Variants in CORIN observed in about 807,000 individuals in gnomAD.
CORIN encodes the protein atrial natriuretic peptide-converting enzyme.
CORIN carries 117 observed loss-of-function variants against 125.3 expected under a neutral mutation model. The ratio of observed to expected loss-of-function variants is 0.93; its 90% CI spans 0.80 to 1.09. The LOEUF is 1.09. CORIN is among the 50% of genes least tolerant of loss of function. The pLI is 0.00. For missense variants in CORIN, 1,253 were observed against 1,306.7 expected, an observed-to-expected ratio of 0.96 and a Z score of 0.63; for synonymous variants, 450 against 466.4, an observed-to-expected ratio of 0.96 and a Z score of 0.45.
At position 47,661,702 on chromosome 4, in the gene CORIN, A is replaced by C. The variant is rs1724254735; in HGVS notation, c.1735+9T>G. The C allele has an allele frequency of 1.9e-6, 3 of 1,602,406 alleles. No homozygotes were observed. Among genetic ancestry groups the C allele is most frequent in the Non-Finnish European group, 2.6e-6 (3 of 1,171,874 alleles). ...TAGATACCCTGCTGTAATTAATTTT[A>C]AAATTAACCTTCCACATATTCATCA... On this transcript the variant is annotated intron_variant, in intron 12 of 21. Transcript: ENST00000273857.
intron 2 of CORIN, among the ~76,000 whole-genome samples, chr4:47,804,739 G>A (rs1361657760): frequency 1.4e-5 from 2 of 138,244 alleles, no homozygotes; most frequent in Non-Finnish European, 3.1e-5. Context: ...GGTGGGGAGG[G>A]GGGGGGTTGT....
chr4:47,610,485 CT>C (rs920890347), intron 19 of CORIN, among the ~76,000 whole-genome samples: 2 of 151,698 alleles, frequency 1.3e-5, no homozygotes, highest in African/African-American at 4.8e-5. Flanking sequence ...TCCTTATAGA[CT>C]CTAGATACTA....
At chr4:47,623,096 C>CTCTCTCTATATA (rs771867590) in intron 19 of CORIN, among the ~76,000 whole-genome samples, 1,141 of 102,118 alleles carry the variant, frequency 0.011, 9 homozygotes, top group Middle Eastern at 0.032. Context: ...CTCTCTCTCT[C>CTCTCTCTATATA]TATATATATA....
At chr4:47,640,632 G>A (rs1723198199) in intron 16 of CORIN, among the ~76,000 whole-genome samples, 1 of 152,152 alleles carries the variant, frequency 6.6e-6, no homozygotes, top group Non-Finnish European at 1.5e-5. Flanking sequence ...TGGTTAAATG[G>A]TGAATTTTAT....
At chr4:47,736,874 T>C (rs563530399) in intron 5 of CORIN, among the ~76,000 whole-genome samples, 1 of 152,322 alleles carries the variant, frequency 6.6e-6, no homozygotes, top group African/African-American at 2.4e-5. Flanking sequence ...TAGAGTTTGG[T>C]GTTGCTGAAG....
intron 1 of CORIN, among the ~76,000 whole-genome samples, chr4:47,834,297 T>A (rs977149111): frequency 8.5e-5 from 13 of 152,118 alleles, no homozygotes; most frequent in African/African-American, 3.1e-4. Flanking sequence ...ATCCTACCAT[T>A]TCTGACAGCA....
At chr4:47,670,580 C>A (rs1216688190) in intron 10 of CORIN, among the ~76,000 whole-genome samples, 2 of 152,136 alleles carry the variant, frequency 1.3e-5, no homozygotes, top group Admixed American at 6.5e-5. Flanking sequence ...CACGAGTAAG[C>A]GTAAAACTAA....
intron 16 of CORIN, among the ~76,000 whole-genome samples, chr4:47,629,739 A>G (rs1722731944): frequency 6.6e-6 from 1 of 152,188 alleles, no homozygotes; most frequent in African/African-American, 2.4e-5. Flanking sequence ...GACTTATCTT[A>G]GAAGTCTTTC....
chr4:47,734,903 T>G (rs1026170226), intron 5 of CORIN, among the ~76,000 whole-genome samples: 1 of 152,152 alleles, frequency 6.6e-6, no homozygotes, highest in Non-Finnish European at 1.5e-5. Context: ...AAATGGGGGC[T>G]GCAAAATCAC....
chr4:47,748,130 G>A (rs1248911109), intron 4 of CORIN, among the ~76,000 whole-genome samples: 1 of 152,182 alleles, frequency 6.6e-6, no homozygotes, highest in Non-Finnish European at 1.5e-5. Context: ...GTGAAATAGT[G>A]ATGGGGTATT....
At position 47,773,920 on chromosome 4, in the gene CORIN, T is replaced by C. The variant is rs569291631; in HGVS notation, c.410-10334A>G. Among the ~76,000 whole-genome samples, 6 of 151,834 alleles carry C rather than the reference T, an allele frequency of 4.0e-5. No individual in the cohort carries two copies. The East Asian group carries it at 1.2e-3, about 29-fold the overall frequency. ...TAAAAGATAAAAGGTATATTTATTA[T>C]ATACCTTTTGGGGAGACAAACATTC... On this transcript the variant is annotated intron_variant, in intron 3 of 21. Coordinates refer to ENST00000273857, the MANE Select transcript of CORIN (RefSeq NM_006587.4).
intron 5 of CORIN, among the ~76,000 whole-genome samples, chr4:47,716,285 AT>A (rs1365217013): frequency 6.6e-6 from 1 of 152,192 alleles, no homozygotes; most frequent in African/African-American, 2.4e-5. Context: ...ATCTTCCAAT[AT>A]TTGATTTCTC....
intron 4 of CORIN, among the ~76,000 whole-genome samples, chr4:47,753,823 G>T (rs1421591709): frequency 5.9e-5 from 9 of 152,118 alleles, no homozygotes; most frequent in Non-Finnish European, 1.0e-4. Context: ...TAGTGGTCCT[G>T]AGGTGATGTA....
chr4:47,779,890 G>A (rs1730465082), intron 3 of CORIN, among the ~76,000 whole-genome samples: 1 of 152,156 alleles, frequency 6.6e-6, no homozygotes, highest in South Asian at 2.1e-4. Flanking sequence ...GGGCATTTCG[G>A]TCCATGTCTA....
At chr4:47,786,570 A>G (rs766729676) in intron 3 of CORIN, among the ~76,000 whole-genome samples, 155 bp downstream of exon 3, 10 of 152,134 alleles carry the variant, frequency 6.6e-5, no homozygotes, top group Non-Finnish European at 5.9e-5. Flanking sequence ...AACAACAAAC[A>G]AAATAGGGCA....
intron 16 of CORIN, among the ~76,000 whole-genome samples, chr4:47,635,016 T>G (rs1722968234): frequency 6.6e-6 from 1 of 152,228 alleles, no homozygotes; most frequent in African/African-American, 2.4e-5. Context: ...TATGTTAGTT[T>G]TAAGAAGACA....
chr4:47,786,916 T>C lies in CORIN; in HGVS notation c.218A>G (p.Gln73Arg). 2.5e-6 allele frequency: 4 copies of C among 1,610,192 alleles called. No individual in the cohort carries two copies. Among genetic ancestry groups the C allele is most frequent in the Non-Finnish European group, 3.4e-6 (4 of 1,176,928 alleles). Residue 73 changes from glutamine to arginine, a missense_variant, in exon 3 of 22, where the codon CAA becomes CGA. By Grantham distance (43) the Gln-to-Arg change is conservative (BLOSUM62 1). Transcript: ENST00000273857. ...VILLSYVGTL[Q>R]KVYFKSNGSE... Reference sequence around the variant, plus strand: ...CCCATTTGATTTAAAATAGACCTTTTGTAATGTTCCTGAAAGACAAAAACA... The same window carrying C: ...CCCATTTGATTTAAAATAGACCTTTCGTAATGTTCCTGAAAGACAAAAACA...
At chr4:47,776,293 G>A (rs937422675) in intron 3 of CORIN, among the ~76,000 whole-genome samples, 4 of 151,384 alleles carry the variant, frequency 2.6e-5, no homozygotes, top group Non-Finnish European at 4.4e-5. Context: ...AGGATTTTGG[G>A]GGGTTTTTTT....
chr4:47,815,051 G>C (rs754978247), intron 1 of CORIN, among the ~76,000 whole-genome samples: 2 of 152,120 alleles, frequency 1.3e-5, no homozygotes, highest in Non-Finnish European at 2.9e-5. Context: ...AGGATACATT[G>C]TTTAGCTGAA....
Sources: gnomAD v4.1 joint callset for allele counts (sites outside exome capture counted in the v4.1 genomes callset) on GRCh38, gnomAD v4.1.1 for gene constraint, MANE v1.5 for transcripts, NCBI Gene and HGNC (gene_info 2026-07-23, HGNC 2026-07-21) for gene names.